Variants in PLEKHA6 observed in about 807,000 individuals in gnomAD.
The protein encoded by PLEKHA6 is pleckstrin homology domain-containing family A member 6.
PLEKHA6 carries 60 observed loss-of-function variants against 116.7 expected under a neutral mutation model. That is an observed-to-expected ratio of 0.51 (90% CI 0.42 to 0.64). PLEKHA6 has a LOEUF of 0.64. Ranked by LOEUF, PLEKHA6 falls within the 30% of genes least tolerant of loss-of-function variation. PLEKHA6 has a pLI of 0.00. For synonymous variants in PLEKHA6, 489 were observed against 556.1 expected (o/e 0.88, Z 1.70); for missense variants, 1,338 against 1,422.7 (o/e 0.94, Z 0.96).
Position 204,254,254 on chromosome 1 carries a change from G to T in PLEKHA6, c.1524+3099C>A, listed in dbSNP as rs58665236. The stretch of plus-strand genomic sequence containing the variant: ...GGTGTGGACACAATGAGCTGCTTCT[G>T]GAGCTGGAATGCCACGGCCTCCAGG... On this transcript the variant is annotated intron_variant, in intron 9 of 22. Transcript: ENST00000272203. Among the ~76,000 whole-genome samples, 1,051 of 152,354 alleles carry T rather than the reference G, an allele frequency of 6.9e-3. 4 individuals carry two copies. Among genetic ancestry groups the T allele is most frequent in the South Asian group, 0.018 (88 of 4,824 alleles).
intron 2 of PLEKHA6, among the ~76,000 whole-genome samples, chr1:204,371,032 C>T (rs559450879): frequency 9.1e-5 from 12 of 132,096 alleles, no homozygotes; most frequent in Admixed American, 6.0e-4. Context: ...CCAGCCTGTG[C>T]GACAGAGTAA....
At chr1:204,235,996 G>A (rs1661991335) in intron 17 of PLEKHA6, among the ~76,000 whole-genome samples, 1 of 152,192 alleles carries the variant, frequency 6.6e-6, no homozygotes, top group Non-Finnish European at 1.5e-5. Flanking sequence ...TAAAGTCCCA[G>A]CAGGCCCCTA....
chr1:204,285,258 C>A (rs190221051), intron 1 of PLEKHA6, among the ~76,000 whole-genome samples: 3 of 152,204 alleles, frequency 2.0e-5, no homozygotes, highest in Non-Finnish European at 2.9e-5. Flanking sequence ...TATCCTTCCA[C>A]CAGCTGATGA....
chr1:204,245,119 A>G lies in PLEKHA6; in HGVS notation c.2033-116T>C, dbSNP rs567714988. On this transcript the variant is annotated intron_variant, in intron 14 of 22. Transcript: ENST00000272203. ...GCCAGATCCAGGGATGTGGAAGGGC[A>G]GATTTAGTGTCTCAGGGCTACCTGG... 1.6e-5 allele frequency: 11 copies of G among 694,258 alleles called. No individual in the cohort carries two copies. In the South Asian group the frequency reaches 1.8e-4, roughly 11 times the overall value. The allele number at this position is 694,258 out of a possible 1,614,324, so 43.0% of individuals were successfully genotyped here.
chr1:204,291,217 A>C (rs1367190449), intron 1 of PLEKHA6, among the ~76,000 whole-genome samples: 1 of 152,222 alleles, frequency 6.6e-6, no homozygotes, highest in Non-Finnish European at 1.5e-5. Context: ...TGAAACTACT[A>C]TGAGCTATCT....
intron 21 of PLEKHA6, among the ~76,000 whole-genome samples, chr1:204,224,161 C>T (rs954769710): frequency 2.0e-5 from 3 of 152,136 alleles, no homozygotes; most frequent in Admixed American, 6.5e-5. Flanking sequence ...ACCCCCTTTT[C>T]ATCAGTCCAG....
chr1:204,309,071 GTCACTCTA>G (rs1224012844), intron 1 of PLEKHA6: 5 of 975,588 alleles, frequency 5.1e-6, no homozygotes, highest in Non-Finnish European at 6.1e-6. Context: ...TTGTCTTTCT[GTCACTCTA>G]TTAACATCCA....
At chr1:204,322,264 A>C (rs988527213) in intron 1 of PLEKHA6, among the ~76,000 whole-genome samples, 12 of 152,132 alleles carry the variant, frequency 7.9e-5, no homozygotes, top group African/African-American at 2.9e-4. Flanking sequence ...GCCCAATTTA[A>C]CACACTAACA....
intron 1 of PLEKHA6, chr1:204,317,096 G>C (rs763671973): frequency 8.6e-6 from 2 of 233,380 alleles, no homozygotes; most frequent in Non-Finnish European, 1.4e-5. Flanking sequence ...CCTGTAGAAT[G>C]GAATGGAACC....
In PLEKHA6 at chr1:204,245,739, C is replaced by A. The variant is rs1663564866; in HGVS notation, c.1921-13G>T. The A allele has an allele frequency of 8.9e-6, 14 of 1,569,102 alleles. No individual in the cohort carries two copies. Among genetic ancestry groups the A allele is most frequent in the Non-Finnish European group, 1.1e-5 (13 of 1,141,058 alleles). Reference sequence around the variant, plus strand: ...TCAGCACCTCATTCTGAAGCAGCCACACAGTGAGTCAAAGGAAATGGCCAT... The same window carrying A: ...TCAGCACCTCATTCTGAAGCAGCCAAACAGTGAGTCAAAGGAAATGGCCAT... On this transcript the variant is annotated splice_polypyrimidine_tract_variant and intron_variant, in intron 13 of 22. Transcript: ENST00000272203.
chr1:204,273,980 C>CTGTA (rs1667747319), intron 2 of PLEKHA6, among the ~76,000 whole-genome samples: 1 of 152,140 alleles, frequency 6.6e-6, no homozygotes, highest in East Asian at 1.9e-4. Context: ...GTCACCCAGC[C>CTGTA]TGTAGCACAG....
chr1:204,370,042 C>A (rs565663553), intron 2 of PLEKHA6, among the ~76,000 whole-genome samples: 1 of 152,330 alleles, frequency 6.6e-6, no homozygotes, highest in South Asian at 2.1e-4. Context: ...AGAATTAAAC[C>A]CCTAGTGCAA....
intron 1 of PLEKHA6, among the ~76,000 whole-genome samples, chr1:204,375,639 G>A (rs567675326): frequency 6.6e-6 from 1 of 152,096 alleles, no homozygotes; most frequent in Non-Finnish European, 1.5e-5. Context: ...CGCTCAGGAA[G>A]CTGCCAGAGA....
chr1:204,350,680 G>T (rs1280244460), intron 1 of PLEKHA6, among the ~76,000 whole-genome samples: 1 of 152,178 alleles, frequency 6.6e-6, no homozygotes, highest in African/African-American at 2.4e-5. Flanking sequence ...AGCTCAAAGA[G>T]GTAAAATTGT....
At chr1:204,227,590 G>A (rs1660534983) in intron 21 of PLEKHA6, among the ~76,000 whole-genome samples, 1 of 152,148 alleles carries the variant, frequency 6.6e-6, no homozygotes, top group South Asian at 2.1e-4. Flanking sequence ...CAGTAGCCAA[G>A]GTGGTAATTG....
chr1:204,317,164 T>C, intron 1 of PLEKHA6: 2 of 725,822 alleles, frequency 2.8e-6, no homozygotes, highest in Non-Finnish European at 3.4e-6. Flanking sequence ...TATAAAAATG[T>C]CTCAGAAAGT....
chr1:204,239,357 G>A (rs1216110035), intron 17 of PLEKHA6, among the ~76,000 whole-genome samples: 1 of 152,194 alleles, frequency 6.6e-6, no homozygotes, highest in East Asian at 1.9e-4. Flanking sequence ...GATATGGCAC[G>A]ATTCCTTGGG....
chr1:204,235,515 T>C (rs1462581624), intron 17 of PLEKHA6, among the ~76,000 whole-genome samples: 1 of 152,184 alleles, frequency 6.6e-6, no homozygotes, highest in Non-Finnish European at 1.5e-5. Flanking sequence ...TTATCTCCTG[T>C]AGAGAAAGAG....
At chr1:204,337,792 A>C (rs1354322919) in intron 1 of PLEKHA6, among the ~76,000 whole-genome samples, 2 of 152,190 alleles carry the variant, frequency 1.3e-5, no homozygotes, top group African/African-American at 4.8e-5. Context: ...CACGTACCAC[A>C]ATAGTCATAT....
Sources: allele counts gnomAD v4.1 joint callset (sites outside exome capture counted in the v4.1 genomes callset), GRCh38; gene constraint gnomAD v4.1.1; transcripts MANE v1.5; gene names NCBI Gene and HGNC (gene_info 2026-07-23, HGNC 2026-07-21).